Variants in ADGRL2 observed in about 807,000 individuals in gnomAD.
ADGRL2 encodes adhesion G protein-coupled receptor L2, also known as calcium-independent alpha-latrotoxin receptor 2.
Under a neutral mutation model 157.4 loss-of-function variants are expected in ADGRL2, and 44 were observed. The observed-to-expected ratio is 0.28, with a 90% confidence interval of 0.22 to 0.36. The LOEUF (loss-of-function observed/expected upper bound fraction) is 0.36, where lower values mean the gene tolerates loss of function less well. Ranked by LOEUF, ADGRL2 falls within the 10% of genes least tolerant of loss-of-function variation. The probability of loss-of-function intolerance (pLI) is 1.00; values close to 1 mark genes in which losing one functional copy is unlikely to be tolerated. For synonymous variants in ADGRL2, 585 were observed against 624.7 expected, an observed-to-expected ratio of 0.94 and a Z score of 0.95; for missense variants, 1,510 against 1,768.9, an observed-to-expected ratio of 0.85 and a Z score of 2.63.
intron 11 of ADGRL2, among the ~76,000 whole-genome samples, chr1:81,958,335 T>C (rs765985696): frequency 1.2e-4 from 16 of 137,172 alleles, no homozygotes; most frequent in Non-Finnish European, 2.2e-4. Context: ...ATTTTGGGGG[T>C]GGGGGGAAGG....
chr1:81,312,448 C>G (rs999595399), intron 1 of ADGRL2, among the ~76,000 whole-genome samples: 2 of 152,168 alleles, frequency 1.3e-5, no homozygotes, highest in African/African-American at 4.8e-5. Context: ...TTGGGGTTCA[C>G]AAACGTGGAT....
intron 1 of ADGRL2, among the ~76,000 whole-genome samples, chr1:81,401,980 ATTGTTTGT>A (rs148111228): frequency 5.3e-5 from 8 of 152,130 alleles, no homozygotes; most frequent in Admixed American, 1.3e-4. Flanking sequence ...AAAATTAGTA[ATTGTTTGT>A]TTGTTTGTTT....
intron 1 of ADGRL2, among the ~76,000 whole-genome samples, chr1:81,351,475 A>G (rs1570695371): frequency 6.6e-6 from 1 of 152,324 alleles, no homozygotes; most frequent in Non-Finnish European, 1.5e-5. Flanking sequence ...AGGATGATAA[A>G]TAAAATAAAT....
chr1:81,476,427 CAAG>C (rs1264132883), intron 2 of ADGRL2, among the ~76,000 whole-genome samples: 9 of 152,106 alleles, frequency 5.9e-5, no homozygotes, highest in African/African-American at 1.4e-4. Flanking sequence ...TCCTAGTGCT[CAAG>C]AAGAAGAGAA....
At chr1:81,772,950 A>C (rs1188983712) in intron 2 of ADGRL2, among the ~76,000 whole-genome samples, 1 of 152,172 alleles carries the variant, frequency 6.6e-6, no homozygotes, top group Non-Finnish European at 1.5e-5. Flanking sequence ...TTATTTGTGT[A>C]GCACATTTTT....
chr1:81,767,903 A>T (rs868867651), intron 2 of ADGRL2, among the ~76,000 whole-genome samples: 17 of 151,692 alleles, frequency 1.1e-4, no homozygotes, highest in Middle Eastern at 3.4e-3. Context: ...GTCATGGAGT[A>T]TGAAAAATTT....
At chr1:81,403,886 C>A (rs531425028) in intron 1 of ADGRL2, among the ~76,000 whole-genome samples, 1 of 151,690 alleles carries the variant, frequency 6.6e-6, no homozygotes, top group African/African-American at 2.4e-5. Context: ...CAAACTCTGC[C>A]TCCCAGGTTC....
At chr1:81,565,108 G>A (rs1023144391) in intron 2 of ADGRL2, among the ~76,000 whole-genome samples, 6 of 152,250 alleles carry the variant, frequency 3.9e-5, no homozygotes, top group Non-Finnish European at 7.4e-5. Flanking sequence ...TCTTCTGACC[G>A]CATTTACAGA....
chr1:81,745,334 T>G (rs1349915561), intron 1 of ADGRL2, among the ~76,000 whole-genome samples: 1 of 152,252 alleles, frequency 6.6e-6, no homozygotes, highest in Non-Finnish European at 1.5e-5. Flanking sequence ...ACATATGCTT[T>G]CTTGAGCATC....
At chr1:81,811,867 G>A (rs2089905193) in intron 1 of ADGRL2, among the ~76,000 whole-genome samples, 1 of 151,416 alleles carries the variant, frequency 6.6e-6, no homozygotes, top group African/African-American at 2.4e-5. Flanking sequence ...AAATGAGCCG[G>A]GCAGCTTTTT....
intron 1 of ADGRL2, among the ~76,000 whole-genome samples, chr1:81,313,752 C>A (rs1219057826): frequency 6.6e-6 from 1 of 152,126 alleles, no homozygotes; most frequent in Non-Finnish European, 1.5e-5. Flanking sequence ...ATGAAAAAAT[C>A]AAGAGGGTAT....
chr1:81,504,074 TGAAG>T lies in ADGRL2; in HGVS notation c.-248+58990_-248+58993del, dbSNP rs1254006968. 4.6e-5 allele frequency among the ~76,000 whole-genome samples: 7 copies of T among 152,194 alleles called. No individual in the cohort carries two copies. The East Asian group carries it at 1.3e-3, about 29-fold the overall frequency. ...GCCCCAGATCCCCCTTCTAATGGTCTGAAGGAAGAGGCTGTGAGGGCAGTTCAGG... is the reference window on the plus strand; with the variant it reads ...GCCCCAGATCCCCCTTCTAATGGTCTGAAGAGGCTGTGAGGGCAGTTCAGG... On this transcript the variant is annotated intron_variant, in intron 2 of 24. Coordinates refer to the ADGRL2 transcript ENST00000370721.
intron 2 of ADGRL2, among the ~76,000 whole-genome samples, chr1:81,788,198 G>A (rs923317094): frequency 6.6e-6 from 1 of 152,154 alleles, no homozygotes; most frequent in African/African-American, 2.4e-5. Context: ...AATACAGGGA[G>A]TAAGAAAGGG....
At chr1:81,318,347 C>T (rs1318043834) in intron 1 of ADGRL2, among the ~76,000 whole-genome samples, 4 of 152,030 alleles carry the variant, frequency 2.6e-5, no homozygotes, top group Non-Finnish European at 5.9e-5. Context: ...AATATTACTC[C>T]CCTTTGTTAT....
intron 17 of ADGRL2, among the ~76,000 whole-genome samples, chr1:81,976,876 G>A (rs1176071529): frequency 6.6e-6 from 1 of 151,790 alleles, no homozygotes; most frequent in East Asian, 1.9e-4. Flanking sequence ...AACATAAATA[G>A]GATTTCTTTG....
chr1:81,525,506 C>CG (rs199788034), intron 2 of ADGRL2, among the ~76,000 whole-genome samples: 1,616 of 152,150 alleles, frequency 0.011, 33 homozygotes, highest in African/African-American at 0.037. Context: ...CTAGTAGAGA[C>CG]GGGGTTTCAC....
At chr1:81,436,866 C>T (rs958068791) in intron 1 of ADGRL2, among the ~76,000 whole-genome samples, 1 of 152,180 alleles carries the variant, frequency 6.6e-6, no homozygotes, top group Non-Finnish European at 1.5e-5. Context: ...CATGCCATAG[C>T]TATTTTTCCT....
intron 1 of ADGRL2, among the ~76,000 whole-genome samples, chr1:81,417,919 G>A (rs908579836): frequency 2.0e-5 from 3 of 152,122 alleles, no homozygotes; most frequent in Non-Finnish European, 4.4e-5. Context: ...ACCCATGCAT[G>A]ACAATATCAC....
chr1:81,746,144 T>C (rs527356014), intron 1 of ADGRL2, among the ~76,000 whole-genome samples: 2 of 152,326 alleles, frequency 1.3e-5, no homozygotes, highest in Non-Finnish European at 1.5e-5. Context: ...TAATATAATT[T>C]GTAAATTCCT....
Sources: gnomAD v4.1 joint callset for allele counts (sites outside exome capture counted in the v4.1 genomes callset) on GRCh38, gnomAD v4.1.1 for gene constraint, MANE v1.5 for transcripts, NCBI Gene and HGNC (gene_info 2026-07-23, HGNC 2026-07-21) for gene names.